KHDRBS3: variants seen among roughly 807,000 people sequenced by gnomAD.
KHDRBS3 encodes KH domain-containing, RNA-binding, signal transduction-associated protein 3.
A neutral mutation model predicts 45.6 loss-of-function variants in KHDRBS3; 23 were observed. The ratio of observed to expected loss-of-function variants is 0.50; its 90% CI spans 0.36 to 0.72. The LOEUF (loss-of-function observed/expected upper bound fraction) is 0.72. Among genes scored for constraint, KHDRBS3 ranks in the 30% least tolerant of loss-of-function variants. The probability of loss-of-function intolerance (pLI) is 0.00; values close to 1 mark genes in which losing one functional copy is unlikely to be tolerated. For synonymous variants in KHDRBS3, 162 were observed against 156.5 expected (o/e 1.04, Z -0.26); for missense variants, 352 against 424.8 (o/e 0.83, Z 1.51).
chr8:135,587,647 A>G (rs1382054598), intron 6 of KHDRBS3, among the ~76,000 whole-genome samples: 1 of 152,208 alleles, frequency 6.6e-6, no homozygotes, highest in African/African-American at 2.4e-5. Flanking sequence ...ATAACTGACA[A>G]ATTAATTAGG....
intron 6 of KHDRBS3, among the ~76,000 whole-genome samples, chr8:135,591,952 CAG>C (rs1488884731): frequency 6.6e-6 from 1 of 152,156 alleles, no homozygotes; most frequent in Non-Finnish European, 1.5e-5. Flanking sequence ...TTAATTAAAA[CAG>C]AGTACAGATT....
rs932614194 is a variant in KHDRBS3 at position 135,582,151 on chromosome 8, G to T, written c.807+78G>T. On this transcript the variant is annotated intron_variant, in intron 6 of 8. Coordinates refer to ENST00000355849, the MANE Select transcript of KHDRBS3 (RefSeq NM_006558.3). The stretch of plus-strand genomic sequence containing the variant: ...ACTTAGCACTGGATATTGTACCCGC[G>T]TACGCTTCCTCACCTTGTTTTGGTT... 9 of 1,333,050 alleles carry T rather than the reference G, an allele frequency of 6.8e-6. No homozygotes were observed. In the East Asian group the frequency reaches 2.4e-4, roughly 35 times the overall value. 82.6% of individuals were successfully genotyped at this position (1,333,050 alleles called of 1,614,324 possible).
chr8:135,475,260 G>T (rs58750323), intron 1 of KHDRBS3, among the ~76,000 whole-genome samples: 9,596 of 152,240 alleles, frequency 0.063, 428 homozygotes, highest in African/African-American at 0.12. Flanking sequence ...ACAGAGGTAT[G>T]ACTGTGTGTG....
chr8:135,642,249 C>T (rs1308454457), intron 7 of KHDRBS3, among the ~76,000 whole-genome samples: 2 of 152,204 alleles, frequency 1.3e-5, no homozygotes, highest in Admixed American at 6.5e-5. Flanking sequence ...TTGTGTTCAG[C>T]ACATAGCAGT....
chr8:135,577,460 T>C (rs1353648275), intron 5 of KHDRBS3, among the ~76,000 whole-genome samples: 1 of 152,000 alleles, frequency 6.6e-6, no homozygotes, highest in Non-Finnish European at 1.5e-5. Context: ...TTTTTTATCA[T>C]CTCTCTAGTT....
At chr8:135,640,715 C>G (rs73713807) in intron 7 of KHDRBS3, among the ~76,000 whole-genome samples, 3 of 152,152 alleles carry the variant, frequency 2.0e-5, no homozygotes. Flanking sequence ...GGAAGCCCCC[C>G]TCTTGATCTG....
intron 8 of KHDRBS3, 78 bp downstream of exon 8, chr8:135,645,195 A>G: frequency 6.8e-7 from 1 of 1,463,512 alleles, no homozygotes. Flanking sequence ...TAATGGGAAG[A>G]GAATAAGGAC....
chr8:135,541,712 T>C (rs992144390), intron 2 of KHDRBS3: 2 of 152,188 alleles, frequency 1.3e-5, no homozygotes, highest in Non-Finnish European at 2.9e-5. Flanking sequence ...CCTGCTGATT[T>C]TCTATTTGGT....
intron 7 of KHDRBS3, among the ~76,000 whole-genome samples, chr8:135,620,966 A>T (rs1329337921): frequency 6.6e-6 from 1 of 152,170 alleles, no homozygotes; most frequent in African/African-American, 2.4e-5. Flanking sequence ...AAGGTGATCT[A>T]TGTGTGTTCT....
intron 2 of KHDRBS3, among the ~76,000 whole-genome samples, chr8:135,536,932 AG>A (rs373831104): frequency 3.8e-5 from 5 of 132,042 alleles, no homozygotes; most frequent in African/African-American, 1.5e-4. Flanking sequence ...TGCAGTCCGC[AG>A]TCCGACCTGG....
chr8:135,551,488 C>A (rs1046022039), intron 4 of KHDRBS3, among the ~76,000 whole-genome samples: 1 of 152,014 alleles, frequency 6.6e-6, no homozygotes, highest in African/African-American at 2.4e-5. Context: ...TTTTGCAAAT[C>A]TTTTTCCTCC....
At chr8:135,612,967 C>G (rs1237511588) in intron 7 of KHDRBS3, among the ~76,000 whole-genome samples, 1 of 151,788 alleles carries the variant, frequency 6.6e-6, no homozygotes, top group Admixed American at 6.6e-5. Context: ...CTGGAAAGCT[C>G]TCTATTACAG....
At chr8:135,477,354 C>T (rs1161451244) in intron 1 of KHDRBS3, among the ~76,000 whole-genome samples, 1 of 152,122 alleles carries the variant, frequency 6.6e-6, no homozygotes, top group Non-Finnish European at 1.5e-5. Flanking sequence ...ATCTTATTCA[C>T]AGATTTTTGC....
intron 2 of KHDRBS3, among the ~76,000 whole-genome samples, chr8:135,536,510 G>A (rs550693186): frequency 6.6e-6 from 1 of 152,198 alleles, no homozygotes; most frequent in Admixed American, 6.5e-5. Context: ...ATTTTAAGCA[G>A]AGGTGTAATA....
chr8:135,470,207 G>A (rs1821942505), intron 1 of KHDRBS3, among the ~76,000 whole-genome samples: 1 of 152,048 alleles, frequency 6.6e-6, no homozygotes. Flanking sequence ...GCATCCTGGC[G>A]TGCTGATAAA....
chr8:135,559,083 G>A (rs1313319645), intron 5 of KHDRBS3, among the ~76,000 whole-genome samples: 1 of 152,158 alleles, frequency 6.6e-6, no homozygotes, highest in Non-Finnish European at 1.5e-5. Flanking sequence ...GTAATCCAGA[G>A]TAATCTTTCC....
At chr8:135,652,258 G>A (rs924712563), downstream of KHDRBS3, among the ~76,000 whole-genome samples, 1 of 152,096 alleles carries the variant, frequency 6.6e-6, no homozygotes, top group Non-Finnish European at 1.5e-5. Flanking sequence ...CTCCCTTATC[G>A]ATGGAAAATC....
chr8:135,557,770 G>A lies in KHDRBS3; in HGVS notation c.611+183G>A, dbSNP rs149183241. 2.3e-3 allele frequency among the ~76,000 whole-genome samples: 356 copies of A among 152,266 alleles called. 5 individuals are homozygous for A. The highest frequency in any genetic ancestry group is 7.7e-3 in the African/African-American group (320 of 41,556). On this transcript the variant is annotated intron_variant, in intron 5 of 8. Coordinates refer to ENST00000355849, the MANE Select transcript of KHDRBS3 (RefSeq NM_006558.3). The stretch of plus-strand genomic sequence containing the variant: ...GGAGTTCGAGGCCATGGTATGCTAC[G>A]ATAGTGCCTGTGAATAGCTGCTGCA...
chr8:135,548,345 A>G (rs1826412326), intron 3 of KHDRBS3, among the ~76,000 whole-genome samples: 1 of 152,240 alleles, frequency 6.6e-6, no homozygotes, highest in Admixed American at 6.5e-5. Context: ...CCAGCATCAC[A>G]GAGACGCACA....
Sources: gnomAD v4.1 joint callset for allele counts (sites outside exome capture counted in the v4.1 genomes callset) on GRCh38, gnomAD v4.1.1 for gene constraint, MANE v1.5 for transcripts, NCBI Gene and HGNC (gene_info 2026-07-23, HGNC 2026-07-21) for gene names.